The following ADAMTSL1 variants were observed in gnomAD, a reference collection of about 807,000 sequenced individuals.
ADAMTSL1 encodes ADAMTS-like protein 1.
ADAMTSL1 carries 126 observed loss-of-function variants against 201.8 expected under a neutral mutation model. The observed-to-expected ratio is 0.62, with a 90% CI of 0.54 to 0.72. ADAMTSL1 has a LOEUF of 0.72. Ranked by LOEUF, ADAMTSL1 falls within the 30% of genes least tolerant of loss-of-function variation. The probability of loss-of-function intolerance (pLI) is 0.00; values close to 1 mark genes in which losing one functional copy is unlikely to be tolerated. For missense variants in ADAMTSL1, 2,679 were observed against 2,277.8 expected (o/e 1.18, Z -3.59); for synonymous variants, 1,121 against 903.4 (o/e 1.24, Z -4.32).
At chr9:18,388,785 C>T (rs1045343283) in intron 2 of ADAMTSL1, among the ~76,000 whole-genome samples, 3 of 150,652 alleles carry the variant, frequency 2.0e-5, no homozygotes, top group Non-Finnish European at 4.4e-5. Context: ...GAGATGGAGT[C>T]TCACTCTGTC....
At chr9:18,301,556 A>T (rs1432025300) in intron 2 of ADAMTSL1, among the ~76,000 whole-genome samples, 1 of 152,184 alleles carries the variant, frequency 6.6e-6, no homozygotes, top group Non-Finnish European at 1.5e-5. Flanking sequence ...AAATAGAACC[A>T]TTATGAATTA....
intron 1 of ADAMTSL1, among the ~76,000 whole-genome samples, chr9:17,919,263 T>TA (rs879709738): frequency 7.3e-4 from 104 of 142,576 alleles, no homozygotes; most frequent in Non-Finnish European, 9.0e-4. Flanking sequence ...TTCCTTTTTG[T>TA]AAAAAAAAAA....
At chr9:18,357,428 C>T (rs1276584909) in intron 2 of ADAMTSL1, among the ~76,000 whole-genome samples, 1 of 152,124 alleles carries the variant, frequency 6.6e-6, no homozygotes, top group African/African-American at 2.4e-5. Flanking sequence ...GGATTGAATT[C>T]CTCTGTGGCA....
upstream of ADAMTSL1, chr9:18,474,096 C>A: frequency 2.2e-6 from 1 of 447,624 alleles, no homozygotes. Flanking sequence ...ACCCCTCGGT[C>A]AGGAAATGTG....
chr9:18,607,796 C>T (rs1181179964), intron 4 of ADAMTSL1, among the ~76,000 whole-genome samples: 6 of 149,576 alleles, frequency 4.0e-5, no homozygotes, highest in Middle Eastern at 3.5e-3. Context: ...TCTCATTGTT[C>T]AGTTCCCACC....
intron 1 of ADAMTSL1, among the ~76,000 whole-genome samples, chr9:17,961,045 T>G (rs920211684): frequency 6.6e-6 from 1 of 152,196 alleles, no homozygotes. Context: ...AATTTTCCTG[T>G]GTGCCATTTA....
intron 1 of ADAMTSL1, among the ~76,000 whole-genome samples, chr9:18,033,637 C>T (rs1233098223): frequency 1.3e-5 from 2 of 152,198 alleles, no homozygotes; most frequent in Non-Finnish European, 2.9e-5. Context: ...TGGAAACAAT[C>T]TCTCAACTTG....
rs538089359 is a variant in ADAMTSL1, at chr9:17,948,360, C to T, written c.87+41438C>T. On this transcript the variant is annotated intron_variant, in intron 1 of 29. Transcript: ENST00000680146. ...TGCTTCTCTGCATTTTCCATTGCTC[C>T]AGTTGACTGGTGAATTAGCAGCTTC... Among the ~76,000 whole-genome samples, 8 of 152,246 alleles carry T rather than the reference C, an allele frequency of 5.3e-5. No homozygotes were observed. The South Asian group carries it at 1.7e-3, about 32-fold the overall frequency.
intron 7 of ADAMTSL1, among the ~76,000 whole-genome samples, chr9:18,647,692 T>A (rs4636296): frequency 1.4e-5 from 2 of 146,844 alleles, no homozygotes; most frequent in Non-Finnish European, 3.0e-5. Context: ...TGTAGTTGAG[T>A]GGTTTTGAGT....
At chr9:18,298,885 C>T (rs924208893) in intron 2 of ADAMTSL1, among the ~76,000 whole-genome samples, 8 of 152,028 alleles carry the variant, frequency 5.3e-5, no homozygotes, top group African/African-American at 1.9e-4. Context: ...GTGGCGGGCG[C>T]CTGTAGTCCC....
At chr9:18,437,953 C>T (rs1344804406) in intron 2 of ADAMTSL1, among the ~76,000 whole-genome samples, 1 of 152,114 alleles carries the variant, frequency 6.6e-6, no homozygotes, top group Non-Finnish European at 1.5e-5. Context: ...TCCCCGGGCA[C>T]TTATACACCC....
chr9:18,900,808 C>G (rs902405977), intron 26 of ADAMTSL1, among the ~76,000 whole-genome samples: 1 of 151,912 alleles, frequency 6.6e-6, no homozygotes, highest in Non-Finnish European at 1.5e-5. Flanking sequence ...GGGAGAGCAT[C>G]AAGACAAACA....
intron 1 of ADAMTSL1, among the ~76,000 whole-genome samples, chr9:18,033,977 T>C (rs1821088027): frequency 6.6e-6 from 1 of 152,300 alleles, no homozygotes; most frequent in African/African-American, 2.4e-5. Context: ...GTACTTTTCT[T>C]CCCTCCTCTC....
intron 1 of ADAMTSL1, among the ~76,000 whole-genome samples, chr9:17,913,520 T>C (rs1478770521): frequency 4.6e-5 from 7 of 151,886 alleles, no homozygotes; most frequent in African/African-American, 1.2e-4. Context: ...ACATTCAAAG[T>C]AGTGTGTAGA....
chr9:18,592,266 T>C (rs954512791), intron 4 of ADAMTSL1, among the ~76,000 whole-genome samples: 2 of 152,176 alleles, frequency 1.3e-5, no homozygotes, highest in African/African-American at 4.8e-5. Flanking sequence ...TTGCTTGTCA[T>C]ATAAAATCCA....
At chr9:18,566,640 A>G (rs1358187066) in intron 3 of ADAMTSL1, among the ~76,000 whole-genome samples, 5 of 152,164 alleles carry the variant, frequency 3.3e-5, no homozygotes, top group Non-Finnish European at 7.4e-5. Flanking sequence ...TGGATAATGC[A>G]TGCATCCTAA....
At chr9:18,295,158 G>T (rs1026592648) in intron 2 of ADAMTSL1, among the ~76,000 whole-genome samples, 7 of 152,022 alleles carry the variant, frequency 4.6e-5, no homozygotes, top group African/African-American at 1.7e-4. Context: ...AATGGGCCAC[G>T]CAACTTTGCA....
chr9:18,743,527 C>T (rs925183233), intron 15 of ADAMTSL1, among the ~76,000 whole-genome samples: 2 of 151,922 alleles, frequency 1.3e-5, no homozygotes, highest in African/African-American at 2.4e-5. Flanking sequence ...GGCAAATTGG[C>T]GTGGCCAAAC....
At position 18,811,028 on chromosome 9, in the gene ADAMTSL1, A is replaced by C. The variant is rs1354554200; in HGVS notation, c.3806-6081A>C. 6.7e-5 allele frequency among the ~76,000 whole-genome samples: 10 copies of C among 149,764 alleles called. No individual in the cohort carries two copies. In the South Asian group the frequency reaches 1.9e-3, roughly 28 times the overall value. On this transcript the variant is annotated intron_variant, in intron 20 of 28. Coordinates refer to ENST00000380548, the MANE Select transcript of ADAMTSL1 (RefSeq NM_001040272.6). ...AATGAGTACCAAAAAAAAAAAAAAA[A>C]AAAAAAACAAACACCAGCTAGAAAC...
Sources: allele counts gnomAD v4.1 joint callset (sites outside exome capture counted in the v4.1 genomes callset), GRCh38; gene constraint gnomAD v4.1.1; transcripts MANE v1.5; gene names NCBI Gene and HGNC (gene_info 2026-07-23, HGNC 2026-07-21).